Variants in FCHO2 observed in about 807,000 individuals in gnomAD.
The protein encoded by FCHO2 is F-BAR domain only protein 2.
In FCHO2, 43 loss-of-function variants were observed where a neutral mutation model predicts 114.1. That is an observed-to-expected ratio of 0.38 (90% confidence interval 0.30 to 0.49). The LOEUF is 0.49. Among genes scored for constraint, FCHO2 ranks in the 20% least tolerant of loss-of-function variants. The pLI, the probability that FCHO2 is intolerant of heterozygous loss-of-function variation, is 0.97. For synonymous variants in FCHO2, 293 were observed against 315.2 expected (o/e 0.93, Z 0.75); for missense variants, 807 against 950.4 (o/e 0.85, Z 1.98).
At chr5:72,976,190 T>G (rs1299329095) in intron 2 of FCHO2, among the ~76,000 whole-genome samples, 1 of 152,200 alleles carries the variant, frequency 6.6e-6, no homozygotes, top group Non-Finnish European at 1.5e-5. Context: ...AGTGGTATCT[T>G]ATCATTGTTT....
At chr5:73,066,465 A>C (rs181063239) in intron 18 of FCHO2, among the ~76,000 whole-genome samples, 7 of 152,042 alleles carry the variant, frequency 4.6e-5, no homozygotes, top group African/African-American at 7.2e-5. Context: ...GCAATTTATG[A>C]ACTAAACTGT....
chr5:72,990,456 C>T, intron 3 of FCHO2, 22 bp from the exon 4 acceptor site: 2 of 1,475,450 alleles, frequency 1.4e-6, no homozygotes, highest in Non-Finnish European at 1.8e-6. Context: ...ATAAGTTATT[C>T]CCATATTTTT....
intron 20 of FCHO2, among the ~76,000 whole-genome samples, chr5:73,076,647 G>A (rs1742923204): frequency 6.6e-6 from 1 of 152,136 alleles, no homozygotes; most frequent in South Asian, 2.1e-4. Context: ...AGTATGGACT[G>A]CAGAATATAT....
chr5:72,977,159 T>C (rs1752936258), intron 2 of FCHO2, among the ~76,000 whole-genome samples: 1 of 152,182 alleles, frequency 6.6e-6, no homozygotes, highest in South Asian at 2.1e-4. Flanking sequence ...GATTGCTGGG[T>C]CAAATGATAT....
At chr5:73,060,782 T>A (rs917227024) in intron 17 of FCHO2, among the ~76,000 whole-genome samples, 2 of 152,110 alleles carry the variant, frequency 1.3e-5, no homozygotes, top group African/African-American at 4.8e-5. Flanking sequence ...TGTTACATGT[T>A]TTAAAATGTT....
intron 17 of FCHO2, among the ~76,000 whole-genome samples, chr5:73,059,083 A>G (rs1395324077): frequency 1.3e-5 from 2 of 152,184 alleles, no homozygotes; most frequent in African/African-American, 4.8e-5. Flanking sequence ...TGGCAATAAT[A>G]TATGAAGTTT....
chr5:72,967,280 C>T (rs1752254098), intron 1 of FCHO2, among the ~76,000 whole-genome samples: 1 of 152,154 alleles, frequency 6.6e-6, no homozygotes, highest in Admixed American at 6.5e-5. Flanking sequence ...GTGAGACTGT[C>T]TCAAAAACAA....
intron 11 of FCHO2, among the ~76,000 whole-genome samples, chr5:73,043,092 C>G (rs774398747): frequency 6.6e-6 from 1 of 151,952 alleles, no homozygotes; most frequent in African/African-American, 2.4e-5. Context: ...CCATGCCCAG[C>G]TGATTTCTTA....
chr5:73,084,737 GCCAT>G (rs1743238116), intron 24 of FCHO2, among the ~76,000 whole-genome samples: 1 of 152,160 alleles, frequency 6.6e-6, no homozygotes, highest in African/African-American at 2.4e-5. Context: ...ATTTACACCT[GCCAT>G]GCAGAATAAG....
At chr5:73,056,965 G>C (rs1414590489) in intron 16 of FCHO2, among the ~76,000 whole-genome samples, 9 of 151,866 alleles carry the variant, frequency 5.9e-5, no homozygotes, top group Admixed American at 4.6e-4. Flanking sequence ...ATGGTTTTTT[G>C]CTTGTCTGTT....
chr5:73,066,871 C>G (rs1232170674), intron 18 of FCHO2, among the ~76,000 whole-genome samples: 1 of 151,882 alleles, frequency 6.6e-6, no homozygotes, highest in African/African-American at 2.4e-5. Context: ...CTGATGCCTG[C>G]TAATGTTTCA....
Position 72,970,342 on chromosome 5 carries a change from C to T in FCHO2, c.125+1753C>T, listed in dbSNP as rs940488911. Among the ~76,000 whole-genome samples, 9 of 152,256 alleles carry T rather than the reference C, an allele frequency of 5.9e-5. No homozygotes were observed. In the East Asian group the frequency reaches 1.5e-3, roughly 26 times the overall value. The stretch of plus-strand genomic sequence containing the variant: ...ACTGCATACATAGTACAAAGAGATA[C>T]ATGAATTACAGGCTGCTCCTTATTC... On this transcript the variant is annotated intron_variant, in intron 2 of 25. Coordinates refer to ENST00000430046, the MANE Select transcript of FCHO2 (RefSeq NM_138782.3).
intron 2 of FCHO2, among the ~76,000 whole-genome samples, chr5:72,972,974 C>G (rs1234196480): frequency 6.6e-6 from 1 of 152,122 alleles, no homozygotes; most frequent in Non-Finnish European, 1.5e-5. Context: ...TGGTTTTTGT[C>G]TTTTGTTCTG....
chr5:73,077,520 T>C (rs1478291510), intron 21 of FCHO2, 27 bp downstream of exon 21: 2 of 1,565,378 alleles, frequency 1.3e-6, no homozygotes, highest in African/African-American at 2.7e-5. Flanking sequence ...TTTTGAAGGT[T>C]GAAATTTCGT....
At chr5:72,978,209 A>G (rs538134054) in intron 2 of FCHO2, among the ~76,000 whole-genome samples, 1 of 152,232 alleles carries the variant, frequency 6.6e-6, no homozygotes, top group Admixed American at 6.5e-5. Flanking sequence ...CAGTATGGCC[A>G]TTTTCACAAT....
chr5:73,037,871 T>A, intron 10 of FCHO2: 1 of 321,400 alleles, frequency 3.1e-6, no homozygotes, highest in East Asian at 1.3e-4. Flanking sequence ...ATTCTCCTCC[T>A]ACCTCAGCCT....
intron 8 of FCHO2, among the ~76,000 whole-genome samples, chr5:73,026,445 GGAC>G (rs1003623184): frequency 1.7e-4 from 26 of 151,908 alleles, no homozygotes; most frequent in Non-Finnish European, 3.4e-4. Flanking sequence ...ACTCCAGCCT[GGAC>G]GACAAGAGCA....
At chr5:73,087,056 G>T (rs1427704203) in intron 24 of FCHO2, among the ~76,000 whole-genome samples, 1 of 152,064 alleles carries the variant, frequency 6.6e-6, no homozygotes, top group African/African-American at 2.4e-5. Context: ...TTAGACTGAA[G>T]TATACTGAAT....
chr5:73,018,192 C>A (rs1247976372), intron 8 of FCHO2, among the ~76,000 whole-genome samples: 1 of 152,170 alleles, frequency 6.6e-6, no homozygotes, highest in African/African-American at 2.4e-5. Flanking sequence ...AAACCTAAAT[C>A]ATCTTTAATT....
Sources: allele counts gnomAD v4.1 joint callset (sites outside exome capture counted in the v4.1 genomes callset), GRCh38; gene constraint gnomAD v4.1.1; transcripts MANE v1.5; gene names NCBI Gene and HGNC (gene_info 2026-07-23, HGNC 2026-07-21).